Variants in KALRN observed in about 807,000 individuals in gnomAD.
The protein encoded by KALRN is kalirin RhoGEF kinase.
In KALRN, 70 loss-of-function variants were observed where a neutral mutation model predicts 353.7. The observed-to-expected ratio is 0.20, with a 90% CI of 0.16 to 0.24. The LOEUF (loss-of-function observed/expected upper bound fraction) is 0.24. Ranked by LOEUF, KALRN falls within the 10% of genes least tolerant of loss-of-function variation. The probability of loss-of-function intolerance (pLI) is 1.00; values close to 1 mark genes in which losing one functional copy is unlikely to be tolerated. For missense variants in KALRN, 2,791 were observed against 3,756.7 expected (o/e 0.74, Z 6.72); for synonymous variants, 1,391 against 1,434.8 (o/e 0.97, Z 0.69).
At chr3:124,468,033 A>C (rs2060511664) in intron 25 of KALRN, among the ~76,000 whole-genome samples, 1 of 150,648 alleles carries the variant, frequency 6.6e-6, no homozygotes, top group African/African-American at 2.4e-5. Context: ...GGATGAGGAG[A>C]AGGAGATCGA....
chr3:124,442,358 T>C (rs1237213420), intron 19 of KALRN, among the ~76,000 whole-genome samples: 2 of 152,236 alleles, frequency 1.3e-5, no homozygotes, highest in African/African-American at 4.8e-5. Flanking sequence ...GTATCTACGC[T>C]GTGCAATACA....
intron 6 of KALRN, among the ~76,000 whole-genome samples, chr3:124,317,716 T>TAAA (rs11334433): frequency 2.3e-4 from 17 of 72,994 alleles, no homozygotes; most frequent in African/African-American, 4.4e-4. Flanking sequence ...CAGGCCTTAT[T>TAAA]AAAAAAAAAA....
chr3:124,265,295 A>ATTTTTTTTTTTTTTTTTTT (rs1465968614), intron 4 of KALRN, among the ~76,000 whole-genome samples: 1 of 61,086 alleles, frequency 1.6e-5, no homozygotes, highest in Non-Finnish European at 3.5e-5. Flanking sequence ...TTAAGAAAAT[A>ATTTTTTTTTTTTTTTTTTT]TTCTTTTTTT....
chr3:124,634,282 A>C (rs566547444), intron 36 of KALRN, among the ~76,000 whole-genome samples: 1 of 152,346 alleles, frequency 6.6e-6, no homozygotes, highest in Non-Finnish European at 1.5e-5. Flanking sequence ...CCAGTCCACA[A>C]CCATTTTGTC....
At chr3:124,109,681 T>C (rs1174185635) in intron 1 of KALRN, among the ~76,000 whole-genome samples, 17 of 148,704 alleles carry the variant, frequency 1.1e-4, no homozygotes, top group Non-Finnish European at 2.2e-4. Context: ...TTGATATACA[T>C]ATCATATATA....
chr3:124,263,413 T>TA (rs2073134112), intron 3 of KALRN, among the ~76,000 whole-genome samples: 1 of 152,172 alleles, frequency 6.6e-6, no homozygotes, highest in African/African-American at 2.4e-5. Flanking sequence ...TAAGCTGACT[T>TA]ACATTTTAAA....
intron 12 of KALRN, chr3:124,395,623 A>G: frequency 2.4e-6 from 1 of 415,612 alleles, no homozygotes; most frequent in Non-Finnish European, 4.3e-6. Context: ...CAAAAGACAA[A>G]AAAAACAAAA....
intron 13 of KALRN, among the ~76,000 whole-genome samples, chr3:124,413,067 C>G (rs961203208): frequency 1.3e-5 from 2 of 152,144 alleles, no homozygotes; most frequent in African/African-American, 4.8e-5. Context: ...AACTTTATCC[C>G]TCTCTGGCAG....
intron 33 of KALRN, among the ~76,000 whole-genome samples, chr3:124,524,130 T>A (rs2067384752): frequency 6.6e-6 from 1 of 152,212 alleles, no homozygotes; most frequent in African/African-American, 2.4e-5. Context: ...CATGGAGTCA[T>A]AAACATCCGG....
chr3:124,719,424 C>A lies in KALRN; in HGVS notation c.8915C>A (p.Pro2972His). Residue 2972 changes from proline to histidine, a missense_variant, in exon 60 of 60, where the codon CCC becomes CAC. Pro to His is a moderately conservative substitution (Grantham distance 77, BLOSUM62 -2). Around this residue, in one of 11 missense-constraint regions of KALRN, gnomAD observed 32 missense variants for 27.4 expected, o/e 1.17. Coordinates refer to ENST00000682506, the MANE Select transcript of KALRN (RefSeq NM_001388419.1). The surrounding 1 kb of genome is among the most constrained non-coding windows in gnomAD (Gnocchi z 5.3). ...RKHQNDVRPI[P>H]NVKSYIVNRV... is the part of the protein sequence containing the mutation. ...CACCAGAATGATGTGCGGCCTATTC[C>A]CAATGTCAAGAGCTACATTGTCAAC... 1 of 1,614,096 alleles carries A rather than the reference C, an allele frequency of 6.2e-7. No individual in the cohort carries two copies. Among genetic ancestry groups the A allele is most frequent in the Non-Finnish European group, 8.5e-7 (1 of 1,180,018 alleles).
At chr3:124,057,449 A>G (rs1298962997) in intron 1 of KALRN, among the ~76,000 whole-genome samples, 1 of 152,204 alleles carries the variant, frequency 6.6e-6, no homozygotes, top group Non-Finnish European at 1.5e-5. Flanking sequence ...AGAAGATAAA[A>G]TGGTGAAAGC....
intron 33 of KALRN, among the ~76,000 whole-genome samples, chr3:124,498,550 C>G (rs559196160): frequency 6.6e-6 from 1 of 152,274 alleles, no homozygotes; most frequent in South Asian, 2.1e-4. Flanking sequence ...TGAAAGCAGA[C>G]AGATATATGA....
intron 58 of KALRN, among the ~76,000 whole-genome samples, chr3:124,716,085 A>G (rs1201262576): frequency 6.6e-6 from 1 of 152,164 alleles, no homozygotes. Flanking sequence ...AAACCAAAAC[A>G]CAGAGTTCAA....
chr3:124,159,406 G>GA (rs1483608390), intron 1 of KALRN, among the ~76,000 whole-genome samples: 1 of 152,068 alleles, frequency 6.6e-6, no homozygotes, highest in Non-Finnish European at 1.5e-5. Flanking sequence ...AAGTAGCTGG[G>GA]ACTATAAGCA....
rs200242706 is a variant in KALRN, at chr3:124,256,806, A to T, written c.264-7692A>T. Among the ~76,000 whole-genome samples the T allele has an allele frequency of 2.7e-4, 41 of 152,326 alleles. No homozygotes were observed. In the East Asian group the frequency reaches 7.5e-3, roughly 28 times the overall value. On this transcript the variant is annotated intron_variant, in intron 3 of 59. Coordinates refer to ENST00000682506, the MANE Select transcript of KALRN (RefSeq NM_001388419.1). The stretch of plus-strand genomic sequence containing the variant: ...CCCAGAAGTTTGAGATGTGGCTGCC[A>T]GGTCAGGTGTACGACAAGAAGCAGA...
At chr3:124,143,096 T>C (rs1388350274) in intron 1 of KALRN, among the ~76,000 whole-genome samples, 1 of 152,094 alleles carries the variant, frequency 6.6e-6, no homozygotes, top group East Asian at 1.9e-4. Flanking sequence ...AATGAATGAA[T>C]CATTTTATTG....
At chr3:124,661,823 C>G (rs2084913512) in intron 44 of KALRN, 28 bp from the exon 45 acceptor site, 1 of 1,579,526 alleles carries the variant, frequency 6.3e-7, no homozygotes, top group African/African-American at 1.3e-5. Flanking sequence ...TGTTCCCCCT[C>G]CTGAGTAACA....
At chr3:124,427,395 G>A (rs1274826106) in intron 15 of KALRN, among the ~76,000 whole-genome samples, 1 of 152,206 alleles carries the variant, frequency 6.6e-6, no homozygotes, top group Non-Finnish European at 1.5e-5. Context: ...ACTATGCCTT[G>A]TGATAAATCA....
intron 3 of KALRN, among the ~76,000 whole-genome samples, chr3:124,262,089 C>A (rs184619109): frequency 1.6e-3 from 239 of 152,112 alleles, no homozygotes; most frequent in African/African-American, 5.4e-3. Flanking sequence ...GGTGAGGATA[C>A]AGGAAGGGGG....
Sources: gnomAD v4.1 joint callset for allele counts (sites outside exome capture counted in the v4.1 genomes callset) on GRCh38, gnomAD v4.1.1 for gene constraint, gnomAD v4.1.1 regional missense constraint, Gnocchi (gnomAD v3.1) non-coding constraint, MANE v1.5 for transcripts, NCBI Gene and HGNC (gene_info 2026-07-23, HGNC 2026-07-21) for gene names.